CYP2J2: variants seen among roughly 807,000 people sequenced by gnomAD.
The protein encoded by CYP2J2 is cytochrome P450 family 2 subfamily J member 2.
In CYP2J2, 41 loss-of-function variants were observed where a neutral mutation model predicts 48.8. The ratio of observed to expected loss-of-function variants is 0.84; its 90% confidence interval spans 0.66 to 1.09. The LOEUF (loss-of-function observed/expected upper bound fraction) is 1.09. Ranked by LOEUF, CYP2J2 falls within the 50% of genes least tolerant of loss-of-function variation. The probability of loss-of-function intolerance (pLI) is 0.00; values close to 1 mark genes in which losing one functional copy is unlikely to be tolerated. For synonymous variants in CYP2J2, 221 were observed against 227.1 expected (o/e 0.97, Z 0.24); for missense variants, 644 against 617.3 (o/e 1.04, Z -0.46).
At chr1:59,948,288 T>C in the CYP2J2 span, among the ~76,000 whole-genome samples, 9 of 152,218 alleles carry the variant, frequency 5.9e-5, no homozygotes, top group African/African-American at 1.9e-4. Context: ...GAGAATGGTA[T>C]GTCCAAAAAC....
intron 8 of CYP2J2, among the ~76,000 whole-genome samples, chr1:59,894,198 C>A (rs1408409736): frequency 6.6e-6 from 1 of 152,034 alleles, no homozygotes; most frequent in African/African-American, 2.4e-5. Context: ...CAAAAACAAC[C>A]AAATATGTTC....
chr1:59,968,488 T>A, the CYP2J2 span, among the ~76,000 whole-genome samples: 1 of 150,502 alleles, frequency 6.6e-6, no homozygotes, highest in African/African-American at 2.5e-5. Context: ...CGAGAAGAGA[T>A]GAGGCGGTGG....
At chr1:59,967,060 C>T in the CYP2J2 span, among the ~76,000 whole-genome samples, 2 of 152,104 alleles carry the variant, frequency 1.3e-5, no homozygotes, top group African/African-American at 4.8e-5. Flanking sequence ...GAAATATGAC[C>T]TTGGCCTCCA....
At chr1:59,903,348 G>C (rs1429728524) in intron 7 of CYP2J2, among the ~76,000 whole-genome samples, 1 of 152,244 alleles carries the variant, frequency 6.6e-6, no homozygotes, top group Non-Finnish European at 1.5e-5. Context: ...GAGGGCACTA[G>C]AGGGCACAGG....
At chr1:59,953,970 C>T in the CYP2J2 span, among the ~76,000 whole-genome samples, 1 of 151,968 alleles carries the variant, frequency 6.6e-6, no homozygotes, top group African/African-American at 2.4e-5. Flanking sequence ...AATGTTCTCT[C>T]TTCCTATGGT....
chr1:59,947,090 G>A, the CYP2J2 span, among the ~76,000 whole-genome samples: 1 of 152,134 alleles, frequency 6.6e-6, no homozygotes, highest in Non-Finnish European at 1.5e-5. Flanking sequence ...GCAGTCTCCT[G>A]ACCTGTATGC....
the CYP2J2 span, among the ~76,000 whole-genome samples, chr1:59,958,051 A>G: frequency 6.6e-6 from 1 of 152,122 alleles, no homozygotes; most frequent in African/African-American, 2.4e-5. Flanking sequence ...GTCTCTGAAT[A>G]TTTCTCTCTT....
the CYP2J2 span, among the ~76,000 whole-genome samples, chr1:59,943,623 C>T: frequency 6.6e-6 from 1 of 151,216 alleles, no homozygotes; most frequent in African/African-American, 2.4e-5. Context: ...TTGGGTTTAG[C>T]AAGATAACTG....
In CYP2J2 at chr1:59,905,875, G is replaced by T. The variant is rs556637323; in HGVS notation, c.1004-817C>A. ...TTTTCTCTTTCTCTAGAGTAATAGA[G>T]ATTTTAGCTGGAGACCTGACTGCCC... On this transcript the variant is annotated intron_variant, in intron 6 of 8. Transcript: ENST00000371204. Among the ~76,000 whole-genome samples the T allele has an allele frequency of 2.2e-4, 34 of 152,304 alleles. 1 individual carries two copies. In the South Asian group the frequency reaches 6.8e-3, roughly 31 times the overall value.
chr1:59,928,318 T>G (rs1302586175), upstream of CYP2J2, among the ~76,000 whole-genome samples: 3 of 152,166 alleles, frequency 2.0e-5, no homozygotes, highest in African/African-American at 7.2e-5. Flanking sequence ...CTAAAATAAT[T>G]TAAGTCCCTG....
At position 59,912,312 on chromosome 1, in the gene CYP2J2, C is replaced by T. The variant is rs1186376783; in HGVS notation, c.374-1G>A. On this transcript the variant is annotated splice_acceptor_variant, in intron 2 of 8. Coordinates refer to ENST00000371204, the MANE Select transcript of CYP2J2 (RefSeq NM_000775.4). LOFTEE classifies it high-confidence loss of function. ...GCCTGGCCACTTGACATAATCAATC[C>T]TGGGAAAAAGAAAGTCAACATTACA... 4 of 1,609,450 alleles carry T rather than the reference C, an allele frequency of 2.5e-6. No homozygotes were observed. The highest frequency in any genetic ancestry group is 2.2e-5 in the East Asian group (1 of 44,846).
chr1:59,957,678 A>G, the CYP2J2 span, among the ~76,000 whole-genome samples: 1 of 130,512 alleles, frequency 7.7e-6, no homozygotes, highest in African/African-American at 2.7e-5. Flanking sequence ...TCACAGACAC[A>G]CAGACACACA....
At chr1:59,964,523 T>G in the CYP2J2 span, among the ~76,000 whole-genome samples, 1 of 152,112 alleles carries the variant, frequency 6.6e-6, no homozygotes, top group Non-Finnish European at 1.5e-5. Context: ...GAAAATTGAG[T>G]CCCAGCTTCT....
upstream of CYP2J2, among the ~76,000 whole-genome samples, chr1:59,931,535 A>C (rs1426322835): frequency 1.3e-5 from 2 of 152,142 alleles, no homozygotes; most frequent in Non-Finnish European, 2.9e-5. Context: ...CATATATAAC[A>C]TATTGTCTTA....
chr1:59,930,528 GT>G (rs2102147158), upstream of CYP2J2, among the ~76,000 whole-genome samples: 1 of 152,046 alleles, frequency 6.6e-6, no homozygotes, highest in East Asian at 1.9e-4. Context: ...TGTTCTGGTT[GT>G]TCATTTATAT....
At chr1:59,911,363 G>A (rs1460780176) in intron 4 of CYP2J2, among the ~76,000 whole-genome samples, 1 of 152,066 alleles carries the variant, frequency 6.6e-6, no homozygotes, top group African/African-American at 2.4e-5. Context: ...AGGTGGATAG[G>A]CGTATGTCAT....
At chr1:59,948,778 A>C in the CYP2J2 span, among the ~76,000 whole-genome samples, 3 of 152,350 alleles carry the variant, frequency 2.0e-5, no homozygotes, top group Middle Eastern at 0.01. Context: ...TAGCAATATT[A>C]TCATTATCAA....
At chr1:59,896,513 A>C (rs11572323) in intron 8 of CYP2J2, among the ~76,000 whole-genome samples, 260 of 152,032 alleles carry the variant, frequency 1.7e-3, no homozygotes, top group African/African-American at 5.9e-3. Flanking sequence ...CAATATATTT[A>C]CTTATTGGAT....
intron 6 of CYP2J2, 104 bp from the exon 7 acceptor site, chr1:59,905,162 AC>A: frequency 8.5e-7 from 1 of 1,171,248 alleles, no homozygotes; most frequent in Non-Finnish European, 1.2e-6. Context: ...TCAATTAGTG[AC>A]CAGGTTGCAA....
Sources: gnomAD v4.1 joint callset for allele counts (sites outside exome capture counted in the v4.1 genomes callset) on GRCh38, gnomAD v4.1.1 for gene constraint, MANE v1.5 for transcripts, NCBI Gene and HGNC (gene_info 2026-07-23, HGNC 2026-07-21) for gene names.